LRGUK: variants seen among roughly 807,000 people sequenced by gnomAD.
LRGUK encodes the protein leucine rich repeats and guanylate kinase domain containing.
Under a neutral mutation model 76.0 loss-of-function variants are expected in LRGUK, and 65 were observed. That is an observed-to-expected ratio of 0.85 (90% CI 0.70 to 1.05). The LOEUF is 1.05. Ranked by LOEUF, LRGUK falls within the 50% of genes least tolerant of loss-of-function variation. The pLI is 0.00. For missense variants in LRGUK, 758 were observed against 732.8 expected (o/e 1.03, Z -0.40); for synonymous variants, 268 against 265.6 (o/e 1.01, Z -0.09).
At chr7:134,135,941 C>G (rs147904976) in intron 1 of LRGUK, among the ~76,000 whole-genome samples, 1 of 152,224 alleles carries the variant, frequency 6.6e-6, no homozygotes, top group Non-Finnish European at 1.5e-5. Context: ...CAGGCGTGAG[C>G]CACCGCGCCC....
At chr7:134,217,983 C>G (rs1801479626) in intron 15 of LRGUK, among the ~76,000 whole-genome samples, 1 of 152,074 alleles carries the variant, frequency 6.6e-6, no homozygotes, top group Admixed American at 6.6e-5. Flanking sequence ...TAGATGGAGT[C>G]TTACTCTGTC....
At chr7:134,233,253 C>A (rs1184692278) in intron 16 of LRGUK, among the ~76,000 whole-genome samples, 1 of 152,208 alleles carries the variant, frequency 6.6e-6, no homozygotes, top group African/African-American at 2.4e-5. Context: ...TTAGTTAAGG[C>A]TTCTTGCTCT....
intron 16 of LRGUK, among the ~76,000 whole-genome samples, chr7:134,233,527 T>G (rs1563194239): frequency 6.6e-6 from 1 of 152,212 alleles, no homozygotes; most frequent in Admixed American, 6.5e-5. Flanking sequence ...AAAGTGGACC[T>G]GTGGTGACAA....
At chr7:134,199,338 T>C in exon 14 of LRGUK, 3 of 1,613,912 alleles carry the variant, frequency 1.9e-6, no homozygotes, top group Non-Finnish European at 1.7e-6. Context: ...CGTGCAGAAA[T>C]TGAATTTGCT....
downstream of LRGUK, among the ~76,000 whole-genome samples, chr7:134,266,790 C>G (rs138364449): frequency 2.4e-4 from 36 of 152,204 alleles, no homozygotes; most frequent in East Asian, 6.9e-3. Flanking sequence ...ACCTACAAAT[C>G]CAAGAAGCTG....
the LRGUK span, among the ~76,000 whole-genome samples, chr7:134,273,288 A>G: frequency 6.6e-6 from 1 of 152,144 alleles, no homozygotes; most frequent in Non-Finnish European, 1.5e-5. Context: ...AGAGCTCTCT[A>G]TGGTAGAGCC....
intron 11 of LRGUK, among the ~76,000 whole-genome samples, chr7:134,188,857 G>A (rs146310963): frequency 1.2e-3 from 186 of 152,148 alleles, no homozygotes; most frequent in African/African-American, 4.1e-3. Context: ...ATTTCCTGAG[G>A]CAATCTGGTT....
chr7:134,237,050 C>CTTTTTTTTTT (rs10555261), intron 16 of LRGUK, among the ~76,000 whole-genome samples: 2 of 75,154 alleles, frequency 2.7e-5, no homozygotes, highest in East Asian at 3.9e-4. Flanking sequence ...TTTTCTCTTT[C>CTTTTTTTTTT]TTTTTTTTTT....
chr7:134,129,748 T>TA lies in LRGUK; in HGVS notation c.297+2085dup, dbSNP rs1292043034. ...CCTCAACCTCCCTAAGTGCTGGTGTTACAGGCATGAGCCACTGTGCCCAGC... is the reference window on the plus strand; with the variant it reads ...CCTCAACCTCCCTAAGTGCTGGTGTTAACAGGCATGAGCCACTGTGCCCAGC... On this transcript the variant is annotated intron_variant, in intron 1 of 15. Coordinates refer to ENST00000645682, the Ensembl canonical transcript of LRGUK. 2.6e-5 allele frequency among the ~76,000 whole-genome samples: 4 copies of TA among 151,938 alleles called. No homozygotes were observed. In the East Asian group the frequency reaches 5.9e-4, roughly 22 times the overall value.
exon 16 of LRGUK, chr7:134,209,724 C>T (rs1471686141): frequency 2.5e-6 from 1 of 400,064 alleles, no homozygotes; most frequent in Non-Finnish European, 4.4e-6. Context: ...CCCATCAGCC[C>T]TCCGCACTCA....
chr7:134,263,701 C>T, intron 19 of LRGUK, 144 bp from the exon 20 acceptor site: 1 of 652,716 alleles, frequency 1.5e-6, no homozygotes, highest in Non-Finnish European at 2.3e-6. Context: ...AGGTGTAAGC[C>T]ACTGCACCTG....
chr7:134,180,983 A>G (rs116894553), intron 10 of LRGUK, among the ~76,000 whole-genome samples: 3,025 of 152,252 alleles, frequency 0.02, 39 homozygotes, highest in Non-Finnish European at 0.031. Context: ...TATAAGTGTC[A>G]ACCACCCCTT....
chr7:134,275,811 A>G, the LRGUK span, among the ~76,000 whole-genome samples: 1 of 152,236 alleles, frequency 6.6e-6, no homozygotes, highest in Non-Finnish European at 1.5e-5. Flanking sequence ...GTATTTTTAT[A>G]TCATCTCATT....
In LRGUK at chr7:134,148,419, ATAAGCAATT is replaced by A. The variant is rs1798067497; in HGVS notation, c.670+104_670+112del. ...ATTAGATTACATGGACTAGTACCAG[ATAAGCAATT>A]TAATAGAGACGTGACTTATTTAAAG... On this transcript the variant is annotated intron_variant, in intron 5 of 15. Coordinates refer to ENST00000645682, the Ensembl canonical transcript of LRGUK. The A allele has an allele frequency of 4.0e-5, 27 of 683,246 alleles. No homozygotes were observed. The South Asian group carries it at 4.2e-4, about 11-fold the overall frequency. 42.3% of individuals were successfully genotyped at this position (683,246 alleles called of 1,614,324 possible). A position where few individuals can be genotyped will look rare whatever the true frequency, so the allele number is the denominator to read the frequency against.
intron 16 of LRGUK, among the ~76,000 whole-genome samples, chr7:134,227,595 A>G (rs1345054262): frequency 6.6e-6 from 1 of 152,212 alleles, no homozygotes; most frequent in African/African-American, 2.4e-5. Flanking sequence ...GCAGCATTAA[A>G]TACATATTTT....
At chr7:134,226,723 C>G (rs76345739) in intron 16 of LRGUK, among the ~76,000 whole-genome samples, 3,933 of 152,294 alleles carry the variant, frequency 0.026, 116 homozygotes, top group African/African-American at 0.072. Context: ...CTGTAAAGTA[C>G]ATACAGAGAA....
intron 5 of LRGUK, among the ~76,000 whole-genome samples, chr7:134,151,345 G>T (rs562593859): frequency 6.6e-6 from 1 of 152,082 alleles, no homozygotes; most frequent in Non-Finnish European, 1.5e-5. Flanking sequence ...TTACACATCA[G>T]TTTGGAAATA....
chr7:134,177,911 G>A (rs897970174), intron 9 of LRGUK, among the ~76,000 whole-genome samples: 4 of 152,180 alleles, frequency 2.6e-5, no homozygotes, highest in African/African-American at 9.7e-5. Context: ...TATGATAGAT[G>A]AGGATAATGT....
At chr7:134,142,025 G>T (rs1797786433) in intron 3 of LRGUK, among the ~76,000 whole-genome samples, 1 of 152,134 alleles carries the variant, frequency 6.6e-6, no homozygotes, top group African/African-American at 2.4e-5. Flanking sequence ...CCACCTCAGG[G>T]CAGGGCCCCA....
Sources: allele counts gnomAD v4.1 joint callset (sites outside exome capture counted in the v4.1 genomes callset), GRCh38; gene constraint gnomAD v4.1.1; transcripts MANE v1.5; gene names NCBI Gene and HGNC (gene_info 2026-07-23, HGNC 2026-07-21).